BTNL8: variants seen among roughly 807,000 people sequenced by gnomAD.
BTNL8 encodes the protein butyrophilin like 8.
A neutral mutation model predicts 36.1 loss-of-function variants in BTNL8; 22 were observed. The ratio of observed to expected loss-of-function variants is 0.61; its 90% confidence interval spans 0.44 to 0.87. The LOEUF (loss-of-function observed/expected upper bound fraction) is 0.87, where lower values mean the gene tolerates loss of function less well. BTNL8 is among the 40% of genes least tolerant of loss of function. The pLI, the probability that BTNL8 is intolerant of heterozygous loss-of-function variation, is 0.00. For synonymous variants in BTNL8, 203 were observed against 235.6 expected (o/e 0.86, Z 1.27); for missense variants, 526 against 616.9 (o/e 0.85, Z 1.56).
chr5:180,922,435 T>A (rs1427802495), intron 3 of BTNL8, among the ~76,000 whole-genome samples: 1 of 151,798 alleles, frequency 6.6e-6, no homozygotes, highest in Non-Finnish European at 1.5e-5. Context: ...ATTTCTGCCT[T>A]AATTTCATTA....
At chr5:180,905,901 T>C (rs1419657950) in intron 1 of BTNL8, among the ~76,000 whole-genome samples, 1 of 145,800 alleles carries the variant, frequency 6.9e-6, no homozygotes, top group Non-Finnish European at 1.5e-5. Flanking sequence ...TTTGTTATAA[T>C]TTCTGTTCTT....
rs193171649 is a variant in BTNL8, at chr5:180,942,282, G to T, written c.674-5230G>T. ...AAAAACTACAAAACATTGATGAAAA[G>T]AACTGAAGGGAACACAAACAAATGA... On this transcript the variant is annotated intron_variant, in intron 3 of 7. Coordinates refer to ENST00000340184, the MANE Select transcript of BTNL8 (RefSeq NM_001040462.3). Among the ~76,000 whole-genome samples, 625 of 152,172 alleles carry T rather than the reference G, an allele frequency of 4.1e-3. 7 individuals carry two copies. The highest frequency in any genetic ancestry group is 0.014 in the African/African-American group (600 of 41,524).
intron 3 of BTNL8, among the ~76,000 whole-genome samples, chr5:180,940,930 A>C (rs1758898867): frequency 6.6e-6 from 1 of 152,054 alleles, no homozygotes; most frequent in Non-Finnish European, 1.5e-5. Flanking sequence ...AACAACAAAA[A>C]AAACCCATAA....
intron 3 of BTNL8, among the ~76,000 whole-genome samples, chr5:180,917,845 G>A (rs1294735239): frequency 2.6e-5 from 4 of 151,818 alleles, no homozygotes; most frequent in African/African-American, 4.8e-5. Flanking sequence ...TGGCTAACAC[G>A]GTGAAACCCT....
At chr5:180,930,606 G>A (rs1758327260) in intron 3 of BTNL8, among the ~76,000 whole-genome samples, 1 of 152,170 alleles carries the variant, frequency 6.6e-6, no homozygotes. Context: ...AGCAACTTTA[G>A]CAAAGTCTCG....
chr5:180,902,780 T>G (rs963456640), intron 1 of BTNL8, among the ~76,000 whole-genome samples: 2 of 144,254 alleles, frequency 1.4e-5, no homozygotes, highest in African/African-American at 5.4e-5. Context: ...CGGTGTTTGG[T>G]TTTTTGTTCT....
chr5:180,948,359 A>G lies in BTNL8; in HGVS notation c.792A>G (p.Lys264=). The part of the protein sequence containing the change: ...LKIFFSKFQW[K]IQAELDWRRK... ...AATATACTGTTTCTGTTTCAGGGAA[A>G]ATCCAGGCGGAACTGGGTAAGTATG... The change falls in exon 5 of 8, where the codon AAA becomes AAG. Residue 264 remains lysine (K), a synonymous_variant. Transcript: ENST00000340184. 1 of 1,466,512 alleles carries G rather than the reference A, an allele frequency of 6.8e-7. No individual in the cohort carries two copies. The highest frequency in any genetic ancestry group is 2.4e-5 in the East Asian group (1 of 41,048). The allele number at this position is 1,466,512 out of a possible 1,614,324, so 90.8% of individuals were successfully genotyped here.
At chr5:180,912,273 C>G (rs1216311679) in intron 3 of BTNL8, among the ~76,000 whole-genome samples, 1 of 152,134 alleles carries the variant, frequency 6.6e-6, no homozygotes. Context: ...ATTGGCTCTC[C>G]TGGGGCTCCA....
At chr5:180,901,211 A>C (rs1756811336) in intron 1 of BTNL8, among the ~76,000 whole-genome samples, 1 of 152,274 alleles carries the variant, frequency 6.6e-6, no homozygotes. Flanking sequence ...ATTAAACTAA[A>C]AAATTAGTGC....
intron 3 of BTNL8, among the ~76,000 whole-genome samples, chr5:180,921,400 A>C (rs912196965): frequency 6.6e-6 from 1 of 152,102 alleles, no homozygotes; most frequent in African/African-American, 2.4e-5. Flanking sequence ...TAAGTAAAAT[A>C]AGCCAGACAT....
chr5:180,940,344 A>G (rs995660380), intron 3 of BTNL8, among the ~76,000 whole-genome samples: 8 of 84,806 alleles, frequency 9.4e-5, no homozygotes, highest in Non-Finnish European at 1.9e-4. Flanking sequence ...ATCTCAGAGG[A>G]AAAAAAAAAA....
At chr5:180,911,740 T>C in intron 3 of BTNL8, 126 bp downstream of exon 3, 1 of 1,037,618 alleles carries the variant, frequency 9.6e-7, no homozygotes, top group Non-Finnish European at 1.4e-6. Flanking sequence ...ATTTTAAAAG[T>C]TTAAAATCAA....
intron 1 of BTNL8, 50 bp from the exon 2 acceptor site, chr5:180,908,536 C>T: frequency 1.3e-6 from 2 of 1,572,872 alleles, no homozygotes; most frequent in Non-Finnish European, 1.7e-6. Flanking sequence ...GGCTCCTCCC[C>T]CTCACTACAA....
chr5:180,947,908 C>T, intron 4 of BTNL8: 2 of 1,084,326 alleles, frequency 1.8e-6, no homozygotes, highest in Non-Finnish European at 2.6e-6. Flanking sequence ...ATGAACACCA[C>T]CAAGACTCCT....
chr5:180,907,751 G>T (rs527399001), intron 1 of BTNL8, among the ~76,000 whole-genome samples: 1 of 152,198 alleles, frequency 6.6e-6, no homozygotes, highest in African/African-American at 2.4e-5. Context: ...AGGACCCTCA[G>T]CTGCAGGTCT....
chr5:180,947,012 A>C (rs1759290389), intron 3 of BTNL8, among the ~76,000 whole-genome samples: 1 of 152,244 alleles, frequency 6.6e-6, no homozygotes, highest in Non-Finnish European at 1.5e-5. Flanking sequence ...TCAAAATCTC[A>C]GCAGAATTTT....
rs1053184459 is a variant in BTNL8 at position 180,899,187 on chromosome 5, G to T, written c.-124G>T. The T allele has an allele frequency of 1.5e-5, 17 of 1,149,864 alleles. No homozygotes were observed. The East Asian group carries it at 3.5e-4, about 24-fold the overall frequency. 71.2% of individuals were successfully genotyped at this position (1,149,864 alleles called of 1,614,324 possible). ...ACAGCGCAGTTTGCCCTCCGCTCAC[G>T]CAGAGCCTCTCCGTGGCTTCCGCAC... is the stretch of plus-strand genomic sequence containing the variant. On this transcript the variant is annotated 5_prime_UTR_variant, in exon 1 of 8. Coordinates refer to ENST00000340184, the MANE Select transcript of BTNL8 (RefSeq NM_001040462.3).
chr5:180,943,706 A>G (rs972823265), intron 3 of BTNL8, among the ~76,000 whole-genome samples: 1 of 152,256 alleles, frequency 6.6e-6, no homozygotes, highest in African/African-American at 2.4e-5. Flanking sequence ...CATTAAAAAC[A>G]AAACTACCAT....
At chr5:180,934,466 A>G (rs932621560) in intron 3 of BTNL8, among the ~76,000 whole-genome samples, 2 of 152,172 alleles carry the variant, frequency 1.3e-5, no homozygotes, top group African/African-American at 4.8e-5. Context: ...CAGATCCCAC[A>G]CCTGCCAAGG....
Sources: allele counts gnomAD v4.1 joint callset (sites outside exome capture counted in the v4.1 genomes callset), GRCh38; gene constraint gnomAD v4.1.1; transcripts MANE v1.5; gene names NCBI Gene and HGNC (gene_info 2026-07-23, HGNC 2026-07-21).